PRRT1: variants seen among roughly 807,000 people sequenced by gnomAD.
PRRT1 encodes the protein proline rich transmembrane protein 1.
In PRRT1, 8 loss-of-function variants were observed where a neutral mutation model predicts 22.6. That is an observed-to-expected ratio of 0.35 (90% confidence interval 0.21 to 0.64). The LOEUF (loss-of-function observed/expected upper bound fraction) is 0.64, where lower values mean the gene tolerates loss of function less well. Ranked by LOEUF, PRRT1 falls within the 30% of genes least tolerant of loss-of-function variation. The probability of loss-of-function intolerance (pLI) is 0.69; values close to 1 mark genes in which losing one functional copy is unlikely to be tolerated. For missense variants in PRRT1, 315 were observed against 444.5 expected, an observed-to-expected ratio of 0.71 and a Z score of 2.62; for synonymous variants, 176 against 203.6, an observed-to-expected ratio of 0.86 and a Z score of 1.15.
At position 32,148,897 on chromosome 6, in the gene PRRT1, G is replaced by A. The variant is rs1267316166; in HGVS notation, c.*325C>T. The stretch of plus-strand genomic sequence containing the variant: ...GGGGCGGTGCTTATAGAGGAGGCGG[G>A]GTTTTAGGGACCAAACCGAGGTTGC... On this transcript the variant is annotated 3_prime_UTR_variant, in exon 4 of 4. Coordinates refer to ENST00000211413, the MANE Select transcript of PRRT1 (RefSeq NM_030651.4). The surrounding 1 kb of genome is among the most constrained non-coding windows in gnomAD (Gnocchi z 5.7). 1 of 628,750 alleles carries A rather than the reference G, an allele frequency of 1.6e-6. No individual in the cohort carries two copies. The highest frequency in any genetic ancestry group is 3.0e-6 in the Non-Finnish European group (1 of 338,102). 38.9% of individuals were successfully genotyped at this position (628,750 alleles called of 1,614,324 possible).
upstream of PRRT1, chr6:32,153,006 C>T (rs1356331577): frequency 6.6e-6 from 1 of 152,376 alleles, no homozygotes; most frequent in African/African-American, 2.4e-5. This position sits in a 1 kb window ranked among gnomAD's most constrained non-coding sequence, Gnocchi z 4.4. Flanking sequence ...CGTCCCTTTT[C>T]GTCCATGTCC....
chr6:32,150,878 A>C lies in PRRT1; in HGVS notation c.48T>G (p.Ser16=), dbSNP rs532367306. ...GCTGAGGGGCATTGTAGGGCGGCGG[A>C]GAAGTGTGAGGGACTGAGTCTGGGA... is the stretch of plus-strand genomic sequence containing the variant. ...SGLPDSVPHT[S]PPPYNAPQPP... is the part of the protein sequence containing the mutation. The change falls in exon 2 of 4, where the codon TCT becomes TCG. Residue 16 remains serine (S), a synonymous_variant. Transcript: ENST00000211413. This position sits in a 1 kb window ranked among gnomAD's most constrained non-coding sequence, Gnocchi z 7.2. 623 of 1,582,214 alleles carry C rather than the reference A, an allele frequency of 3.9e-4. 8 individuals are homozygous for C. Among genetic ancestry groups the C allele is most frequent in the East Asian group, 1.4e-4 (6 of 44,062 alleles).
In PRRT1 at chr6:32,150,343, A is replaced by C; in HGVS notation, c.558+25T>G. The C allele has an allele frequency of 6.5e-7, 1 of 1,547,364 alleles. No individual in the cohort carries two copies. ...CCTGTATCGCGTCCCCCTCTTTCCC[A>C]TGTCCCTGTCTGCCCGGCACTCACC... On this transcript the variant is annotated intron_variant, in intron 2 of 3. Transcript: ENST00000211413. The surrounding 1 kb of genome is among the most constrained non-coding windows in gnomAD (Gnocchi z 7.2).
rs767375357 is a variant in PRRT1 at position 32,149,336 on chromosome 6, C to T, written c.807G>A (p.Arg269=). 2 of 1,607,976 alleles carry T rather than the reference C, an allele frequency of 1.2e-6. No homozygotes were observed. Among genetic ancestry groups the T allele is most frequent in the Non-Finnish European group, 1.7e-6 (2 of 1,177,106 alleles). The change falls in exon 4 of 4, where the codon CGG becomes CGA. Residue 269 remains arginine (R), a synonymous_variant. Coordinates refer to ENST00000211413, the MANE Select transcript of PRRT1 (RefSeq NM_030651.4). The surrounding 1 kb of genome is among the most constrained non-coding windows in gnomAD (Gnocchi z 8.7). ...VSAEIASREA[R]NFSFISLAVG... ...CGGCCAGGGAGATGAAGGAGAAGTT[C>T]CGGGCCTCGCGTGAAGCGATCTCGG...
chr6:32,151,751 G>A lies in PRRT1; in HGVS notation c.19+58C>T, dbSNP rs188587828. The A allele has an allele frequency of 7.5e-4, 929 of 1,234,112 alleles. 11 individuals are homozygous for A. In the African/African-American group the frequency reaches 0.012, roughly 16 times the overall value. The allele number at this position is 1,234,112 out of a possible 1,614,324, so 76.4% of individuals were successfully genotyped here. On this transcript the variant is annotated intron_variant, in intron 1 of 3. Coordinates refer to ENST00000211413, the MANE Select transcript of PRRT1 (RefSeq NM_030651.4). ...GGGGTAAGGGAGGGGGTTGGGGCAA[G>A]GGGGACGGAGAGTCTGGAGACAGTG...
chr6:32,149,180 G>A lies in PRRT1; in HGVS notation c.*42C>T. 3 of 1,601,148 alleles carry A rather than the reference G, an allele frequency of 1.9e-6. No individual in the cohort carries two copies. The highest frequency in any genetic ancestry group is 2.6e-6 in the Non-Finnish European group (3 of 1,173,336). ...GCGGTATGACTGCAGAAAGAGCCTG[G>A]GAGATCGAGGGGCGCAGAGTGGGGC... On this transcript the variant is annotated 3_prime_UTR_variant, in exon 4 of 4. Coordinates refer to ENST00000211413, the MANE Select transcript of PRRT1 (RefSeq NM_030651.4). The surrounding 1 kb of genome is among the most constrained non-coding windows in gnomAD (Gnocchi z 8.7).
chr6:32,150,309 A>G lies in PRRT1; in HGVS notation c.558+59T>C, dbSNP rs916335265. On this transcript the variant is annotated intron_variant, in intron 2 of 3. Transcript: ENST00000211413. This position sits in a 1 kb window ranked among gnomAD's most constrained non-coding sequence, Gnocchi z 7.2. ...CCTACCAGCCCCCAGCGTATCCCCA[A>G]TTTCAAGTCCTGTATCGCGTCCCCC... The G allele has an allele frequency of 5.9e-6, 9 of 1,522,904 alleles. No individual in the cohort carries two copies. The highest frequency in any genetic ancestry group is 7.8e-6 in the Non-Finnish European group (9 of 1,147,418). The allele number at this position is 1,522,904 out of a possible 1,614,324, so 94.3% of individuals were successfully genotyped here.
In PRRT1 at chr6:32,149,696, T is replaced by TC. The variant is rs1280869089; in HGVS notation, c.584dup (p.Thr196AsnfsTer282). 3 of 1,601,684 alleles carry TC rather than the reference T, an allele frequency of 1.9e-6. No individual in the cohort carries two copies. The highest frequency in any genetic ancestry group is 2.6e-6 in the Non-Finnish European group (3 of 1,174,454). On this transcript the variant is annotated frameshift_variant, in exon 3 of 4. Transcript: ENST00000211413. LOFTEE classifies it high-confidence loss of function. The surrounding 1 kb of genome is among the most constrained non-coding windows in gnomAD (Gnocchi z 8.7). Reference sequence around the variant, plus strand: ...GGGGGAGAGTGGAGGTCACTCCTGTTCCCCCCGGGGTCCCGCCTGCATATG... The same window carrying TC: ...GGGGGAGAGTGGAGGTCACTCCTGTTCCCCCCCGGGGTCCCGCCTGCATATG...
Position 32,148,865 on chromosome 6 carries a change from C to G in PRRT1, c.*357G>C, listed in dbSNP as rs2127375847. 1.8e-6 allele frequency: 1 copy of G among 569,344 alleles called. No individual in the cohort carries two copies. The highest frequency in any genetic ancestry group is 4.0e-5 in the East Asian group (1 of 25,216). 35.3% of individuals were successfully genotyped at this position (569,344 alleles called of 1,614,324 possible). ...TGCCGACCTGGAGGCGGGGTTTTGT[C>G]AGAGCTGGGGCGGTGCTTATAGAGG... is the stretch of plus-strand genomic sequence containing the variant. On this transcript the variant is annotated 3_prime_UTR_variant, in exon 4 of 4. Transcript: ENST00000211413. This position sits in a 1 kb window ranked among gnomAD's most constrained non-coding sequence, Gnocchi z 5.7.
At chr6:32,151,497 C>T in intron 1 of PRRT1, 1 of 521,782 alleles carries the variant, frequency 1.9e-6, no homozygotes. Context: ...TGTCTCCATG[C>T]CAGCCAGTGA....
In PRRT1 at chr6:32,149,163, A is replaced by T. The variant is rs1192297896; in HGVS notation, c.*59T>A. 2 of 1,573,996 alleles carry T rather than the reference A, an allele frequency of 1.3e-6. No individual in the cohort carries two copies. Among genetic ancestry groups the T allele is most frequent in the African/African-American group, 2.7e-5 (2 of 74,518 alleles). On this transcript the variant is annotated 3_prime_UTR_variant, in exon 4 of 4. Coordinates refer to ENST00000211413, the MANE Select transcript of PRRT1 (RefSeq NM_030651.4). The surrounding 1 kb of genome is among the most constrained non-coding windows in gnomAD (Gnocchi z 8.7). ...GGGCGCCCATTGGGTCCGCGGTATG[A>T]CTGCAGAAAGAGCCTGGGAGATCGA...
chr6:32,149,276 G>T lies in PRRT1; in HGVS notation c.867C>A (p.Leu289=), dbSNP rs745349044. The T allele has an allele frequency of 6.2e-7, 1 of 1,611,660 alleles. No homozygotes were observed. The highest frequency in any genetic ancestry group is 8.5e-7 in the Non-Finnish European group (1 of 1,179,780). The part of the protein sequence containing the change: ...GIAAMVLCTI[L]TVVIIIAAQH... ...GCGCGGCGATGATGATGACTACGGT[G>T]AGGATGGTACAGAGCACCATGGCCG... The change falls in exon 4 of 4, where the codon CTC becomes CTA. Residue 289 remains leucine, a synonymous_variant. Coordinates refer to ENST00000211413, the MANE Select transcript of PRRT1 (RefSeq NM_030651.4). The surrounding 1 kb of genome is among the most constrained non-coding windows in gnomAD (Gnocchi z 8.7).
intron 1 of PRRT1, chr6:32,151,371 G>A: frequency 2.4e-6 from 1 of 410,968 alleles, no homozygotes; most frequent in Non-Finnish European, 4.5e-6. Flanking sequence ...GGGGAGGAGT[G>A]CCCCAGCCTC....
chr6:32,150,235 T>A lies in PRRT1; in HGVS notation c.558+133A>T, dbSNP rs1783182955. 1 of 1,164,282 alleles carries A rather than the reference T, an allele frequency of 8.6e-7. No individual in the cohort carries two copies. The highest frequency in any genetic ancestry group is 1.6e-5 in the African/African-American group (1 of 61,148). The allele number at this position is 1,164,282 out of a possible 1,614,324, so 72.1% of individuals were successfully genotyped here. A position where few individuals can be genotyped will look rare whatever the true frequency, so the allele number is the denominator to read the frequency against. ...TTCCTGTCTCAGGCTCCCTTCTTTC[T>A]AGGGCTTGTCCCGGGAACACTACCT... is the stretch of plus-strand genomic sequence containing the variant. On this transcript the variant is annotated intron_variant, in intron 2 of 3. Coordinates refer to ENST00000211413, the MANE Select transcript of PRRT1 (RefSeq NM_030651.4). This position sits in a 1 kb window ranked among gnomAD's most constrained non-coding sequence, Gnocchi z 7.2.
chr6:32,151,459 G>A, intron 1 of PRRT1: 1 of 463,100 alleles, frequency 2.2e-6, no homozygotes, highest in South Asian at 2.5e-5. Context: ...ACCCCCATCT[G>A]GTCATGTCTC....
chr6:32,151,441 C>A (rs566224426), intron 1 of PRRT1: 91 of 438,196 alleles, frequency 2.1e-4, no homozygotes, highest in Non-Finnish European at 3.5e-4. Flanking sequence ...GATTTTGCTC[C>A]CTTGACAACC....
At chr6:32,151,475 T>C (rs1227307946) in intron 1 of PRRT1, 1 of 482,750 alleles carries the variant, frequency 2.1e-6, no homozygotes, top group East Asian at 3.8e-5. Context: ...GTCTCCATAT[T>C]TCCTCACAGG....
Position 32,149,671 on chromosome 6 carries a change from G to C in PRRT1, c.610C>G (p.Pro204Ala), listed in dbSNP as rs757558525. The C allele has an allele frequency of 2.5e-5, 40 of 1,611,300 alleles. No individual in the cohort carries two copies. Among genetic ancestry groups the C allele is most frequent in the Admixed American group, 3.3e-5 (2 of 59,870 alleles). The change falls in exon 3 of 4, where the codon CCG (proline) becomes GCG (alanine). Residue 204 changes from proline to alanine, a missense_variant. Pro to Ala is a conservative substitution (Grantham distance 27, BLOSUM62 -1). Around this residue, in one of 4 missense-constraint regions of PRRT1, gnomAD observed 263 missense variants for 328.5 expected, o/e 0.80. Coordinates refer to ENST00000211413, the MANE Select transcript of PRRT1 (RefSeq NM_030651.4). This position sits in a 1 kb window ranked among gnomAD's most constrained non-coding sequence, Gnocchi z 8.7. ...GGTGVTSTLP[P>A]PPQGPGLALL... The stretch of plus-strand genomic sequence containing the variant: ...GCCAGCCCTGGGCCCTGGGGCGGCG[G>C]GGGGAGAGTGGAGGTCACTCCTGTT...
Position 32,150,889 on chromosome 6 carries a change from G to T in PRRT1, c.37C>A (p.Pro13Thr). The change falls in exon 2 of 4, where the codon CCT becomes ACT. Residue 13 changes from proline to threonine, a missense_variant. By Grantham distance (38) the Pro-to-Thr change is conservative (BLOSUM62 -1). Around this residue, in one of 4 missense-constraint regions of PRRT1, gnomAD observed 263 missense variants for 328.5 expected, o/e 0.80. Transcript: ENST00000211413. This position sits in a 1 kb window ranked among gnomAD's most constrained non-coding sequence, Gnocchi z 7.2. ...TTGTAGGGCGGCGGAGAAGTGTGAGGGACTGAGTCTGGGAGTCCTGGGGGA... is the reference window on the plus strand; with the variant it reads ...TTGTAGGGCGGCGGAGAAGTGTGAGTGACTGAGTCTGGGAGTCCTGGGGGA... The part of the protein sequence containing the change: ...SEKSGLPDSV[P>T]HTSPPPYNAP... 1 of 1,581,044 alleles carries T rather than the reference G, an allele frequency of 6.3e-7. No individual in the cohort carries two copies. Among genetic ancestry groups the T allele is most frequent in the Admixed American group, 1.9e-5 (1 of 53,512 alleles).
Sources: allele counts gnomAD v4.1 joint callset, GRCh38; gene constraint gnomAD v4.1.1; regional missense constraint gnomAD v4.1.1; non-coding constraint Gnocchi (gnomAD v3.1); transcripts MANE v1.5; gene names NCBI Gene and HGNC (gene_info 2026-07-23, HGNC 2026-07-21).